SHISA9: variants seen among roughly 807,000 people sequenced by gnomAD.
SHISA9 encodes protein shisa-9.
SHISA9 carries 13 observed loss-of-function variants against 38.0 expected under a neutral mutation model. The observed-to-expected ratio is 0.34, with a 90% confidence interval of 0.22 to 0.54. The LOEUF is 0.54. Among genes scored for constraint, SHISA9 ranks in the 20% least tolerant of loss-of-function variants. The pLI, the probability that SHISA9 is intolerant of heterozygous loss-of-function variation, is 0.91. For synonymous variants in SHISA9, 275 were observed against 242.0 expected (o/e 1.14, Z -1.27); for missense variants, 538 against 575.8 (o/e 0.93, Z 0.67).
At chr16:13,476,741 T>TG in the SHISA9 span, among the ~76,000 whole-genome samples, 3 of 103,560 alleles carry the variant, frequency 2.9e-5, no homozygotes, top group African/African-American at 5.0e-5. Flanking sequence ...GTTTTGTGTT[T>TG]TTTTTTTTTT....
the SHISA9 span, among the ~76,000 whole-genome samples, chr16:13,450,218 G>GT: frequency 6.6e-6 from 1 of 152,138 alleles, no homozygotes; most frequent in South Asian, 2.1e-4. Context: ...TTTTCCTTTA[G>GT]TTTTTTGCAT....
chr16:13,174,952 G>T (rs2050718859), intron 2 of SHISA9, among the ~76,000 whole-genome samples: 1 of 152,150 alleles, frequency 6.6e-6, no homozygotes, highest in African/African-American at 2.4e-5. Context: ...TTATGACTGG[G>T]TCCTCGTCCT....
At chr16:13,074,929 G>T (rs1236903609) in intron 2 of SHISA9, among the ~76,000 whole-genome samples, 4 of 152,068 alleles carry the variant, frequency 2.6e-5, no homozygotes, top group Non-Finnish European at 5.9e-5. Context: ...CTCCCAAAGT[G>T]CTGGGATTAC....
chr16:13,268,600 T>C, the SHISA9 span, among the ~76,000 whole-genome samples: 1 of 152,256 alleles, frequency 6.6e-6, no homozygotes, highest in East Asian at 1.9e-4. Context: ...GTAGAGGAAA[T>C]GGGGAACATT....
chr16:13,032,054 C>A (rs749665936), intron 2 of SHISA9, among the ~76,000 whole-genome samples: 1 of 151,590 alleles, frequency 6.6e-6, no homozygotes, highest in Non-Finnish European at 1.5e-5. Context: ...ATGTGCAGAA[C>A]ATGCAGGTTT....
At chr16:13,211,588 CAA>C (rs1477344412) in intron 3 of SHISA9, among the ~76,000 whole-genome samples, 1 of 152,162 alleles carries the variant, frequency 6.6e-6, no homozygotes, top group African/African-American at 2.4e-5. Flanking sequence ...TTTTCACCCT[CAA>C]AGTATTTTTC....
intron 1 of SHISA9, 84 bp downstream of exon 1, chr16:12,902,711 C>A: frequency 7.7e-7 from 1 of 1,306,638 alleles, no homozygotes; most frequent in South Asian, 1.5e-5. Flanking sequence ...CAATGGCGCT[C>A]CCCACGGTCC....
the SHISA9 span, among the ~76,000 whole-genome samples, chr16:13,479,307 C>T: frequency 6.6e-6 from 1 of 152,182 alleles, no homozygotes; most frequent in Non-Finnish European, 1.5e-5. Flanking sequence ...TGCAAAGCCA[C>T]TTTTGCCATG....
chr16:13,548,821 A>G, the SHISA9 span, among the ~76,000 whole-genome samples: 7 of 152,212 alleles, frequency 4.6e-5, no homozygotes. Flanking sequence ...CAAAATATTA[A>G]AAGTAGAACT....
chr16:13,541,457 G>A, the SHISA9 span, among the ~76,000 whole-genome samples: 1 of 152,142 alleles, frequency 6.6e-6, no homozygotes. Context: ...ACAAAGTTTT[G>A]TTGCAGTCTA....
chr16:13,444,015 A>G, the SHISA9 span, among the ~76,000 whole-genome samples: 1 of 152,312 alleles, frequency 6.6e-6, no homozygotes, highest in African/African-American at 2.4e-5. Context: ...TGTTTTACAA[A>G]ACCATCTTAG....
chr16:13,442,727 G>A, the SHISA9 span, among the ~76,000 whole-genome samples: 1 of 152,144 alleles, frequency 6.6e-6, no homozygotes, highest in African/African-American at 2.4e-5. Context: ...GCTGAGGCAG[G>A]AGGATCACTT....
chr16:13,496,705 T>C, the SHISA9 span, among the ~76,000 whole-genome samples: 1 of 152,110 alleles, frequency 6.6e-6, no homozygotes, highest in Non-Finnish European at 1.5e-5. Context: ...TATGTCTACA[T>C]TTTTCCTGTG....
chr16:13,150,372 C>G (rs2050488502), intron 2 of SHISA9, among the ~76,000 whole-genome samples: 1 of 152,140 alleles, frequency 6.6e-6, no homozygotes, highest in Non-Finnish European at 1.5e-5. Flanking sequence ...TGGGTTTCCT[C>G]TGATCTGTCA....
intron 2 of SHISA9, among the ~76,000 whole-genome samples, chr16:13,048,622 A>G (rs1486000904): frequency 2.0e-5 from 3 of 152,312 alleles, no homozygotes; most frequent in African/African-American, 4.8e-5. Flanking sequence ...GGGTTTTACC[A>G]TGTTGGCCAG....
At chr16:13,199,512 G>A (rs1403025496) in intron 2 of SHISA9, among the ~76,000 whole-genome samples, 2 of 152,360 alleles carry the variant, frequency 1.3e-5, no homozygotes, top group African/African-American at 4.8e-5. Flanking sequence ...TACATTGCAA[G>A]TGGCAGGAGC....
intron 2 of SHISA9, among the ~76,000 whole-genome samples, chr16:13,039,081 G>T (rs8053311): frequency 2.0e-5 from 3 of 151,938 alleles, no homozygotes; most frequent in African/African-American, 7.2e-5. Context: ...GCTGATTTTT[G>T]TATTTGTAAT....
intron 2 of SHISA9, among the ~76,000 whole-genome samples, chr16:13,169,005 C>T (rs1256895522): frequency 6.6e-6 from 1 of 152,168 alleles, no homozygotes; most frequent in Non-Finnish European, 1.5e-5. Context: ...ATAGTGGAAC[C>T]TATTGAGGCA....
chr16:13,431,281 T>C, the SHISA9 span, among the ~76,000 whole-genome samples: 60,786 of 152,086 alleles, frequency 0.4, 12,340 homozygotes, highest in Non-Finnish European at 0.41. Context: ...TTTGTAGCCA[T>C]GGACCCCATC....
Sources: gnomAD v4.1 joint callset for allele counts (sites outside exome capture counted in the v4.1 genomes callset) on GRCh38, gnomAD v4.1.1 for gene constraint, MANE v1.5 for transcripts, NCBI Gene and HGNC (gene_info 2026-07-23, HGNC 2026-07-21) for gene names.